The following GRIA3 variants were observed in gnomAD, a reference collection of about 807,000 sequenced individuals.
GRIA3 encodes glutamate receptor 3.
A neutral mutation model predicts 63.0 loss-of-function variants in GRIA3; 3 were observed. The observed-to-expected ratio is 0.05, with a 90% CI of 0.02 to 0.12. The LOEUF is 0.12. Ranked by LOEUF, GRIA3 falls within the 10% of genes least tolerant of loss-of-function variation. GRIA3 has a pLI of 1.00. For missense variants in GRIA3, 347 were observed against 700.9 expected, an observed-to-expected ratio of 0.50 and a Z score of 5.70; for synonymous variants, 274 against 257.9, an observed-to-expected ratio of 1.06 and a Z score of -0.60.
intron 12 of GRIA3, among the ~76,000 whole-genome samples, chrX:123,463,542 G>A (rs1017499286): frequency 1.3e-5 from 1 of 78,855 alleles, no homozygotes; most frequent in African/African-American, 5.2e-5. Flanking sequence ...AGAGTGAGAC[G>A]AAAGAAGCGA....
intron 2 of GRIA3, among the ~76,000 whole-genome samples, chrX:123,220,026 A>G (rs1928253189): frequency 8.9e-6 from 1 of 112,460 alleles, no homozygotes; most frequent in Non-Finnish European, 1.9e-5. Context: ...GGATGTGAAC[A>G]GCAGACACAG....
intron 3 of GRIA3, among the ~76,000 whole-genome samples, chrX:123,312,060 T>C (rs1261009201): frequency 2.7e-5 from 3 of 112,169 alleles, no homozygotes; most frequent in African/African-American, 6.5e-5. Flanking sequence ...ATAATGTGTA[T>C]ACATTGTTAG....
At chrX:123,221,131 C>T (rs140656326) in intron 2 of GRIA3, among the ~76,000 whole-genome samples, 1,818 of 112,479 alleles carry the variant, frequency 0.016, 35 homozygotes, top group African/African-American at 0.055. Context: ...AAAATGGAAT[C>T]CAAACTACAA....
intron 13 of GRIA3, 31 bp from the exon 14 acceptor site, chrX:123,480,032 T>C (rs1366706612): frequency 1.1e-6 from 1 of 871,278 alleles, no homozygotes; most frequent in African/African-American, 2.0e-5. Context: ...TAACATAATA[T>C]AATGTTATTT....
chrX:123,244,443 C>A (rs1054605499), intron 2 of GRIA3, among the ~76,000 whole-genome samples: 1 of 112,434 alleles, frequency 8.9e-6, no homozygotes, highest in South Asian at 3.7e-4. Flanking sequence ...CATTAAAGGG[C>A]AGGATCAGGA....
At chrX:123,286,386 A>G (rs1442256774) in intron 3 of GRIA3, among the ~76,000 whole-genome samples, 1 of 111,893 alleles carries the variant, frequency 8.9e-6, no homozygotes, top group East Asian at 2.8e-4. Context: ...AACAAATTCA[A>G]AACCTAGCAG....
chrX:123,375,057 CA>C (rs2045275364), intron 5 of GRIA3, among the ~76,000 whole-genome samples: 1 of 111,465 alleles, frequency 9.0e-6, no homozygotes, highest in African/African-American at 3.3e-5. Flanking sequence ...CCATTCTGTA[CA>C]ATACTAGCTG....
In GRIA3 at chrX:123,386,589, G is replaced by A. The variant is rs144128390; in HGVS notation, c.751-8379G>A. Among the ~76,000 whole-genome samples, 273 of 111,308 alleles carry A rather than the reference G, an allele frequency of 2.5e-3. 1 individual carries two copies. The highest frequency in any genetic ancestry group is 8.1e-3 in the African/African-American group (249 of 30,712). ...TTTCTTCTAGTAGGTTTATAGTTTC[G>A]AGTCTTATGTTTAGGTCTTCAATCC... is the stretch of plus-strand genomic sequence containing the variant. On this transcript the variant is annotated intron_variant, in intron 5 of 15. Coordinates refer to ENST00000620443, the MANE Select transcript of GRIA3 (RefSeq NM_007325.5).
rs912328750 is a variant in GRIA3, at chrX:123,290,070, A to G, written c.509-35956A>G. Among the ~76,000 whole-genome samples, 3 of 111,095 alleles carry G rather than the reference A, an allele frequency of 2.7e-5. No individual in the cohort carries two copies. In the Admixed American group the frequency reaches 2.9e-4, roughly 11 times the overall value. On this transcript the variant is annotated intron_variant, in intron 3 of 15. Transcript: ENST00000620443. ...TGATGCATTAAGATATAGGAGAAAA[A>G]GAGACATTGAGAGAGGAAAAAAATG...
chrX:123,456,912 A>T (rs1396233184), intron 12 of GRIA3, among the ~76,000 whole-genome samples: 1 of 111,767 alleles, frequency 8.9e-6, no homozygotes, highest in South Asian at 3.9e-4. Context: ...TTTACCACCT[A>T]GACACCTGAG....
intron 5 of GRIA3, among the ~76,000 whole-genome samples, chrX:123,361,975 A>G (rs1244740044): frequency 8.9e-6 from 1 of 112,069 alleles, no homozygotes; most frequent in Non-Finnish European, 1.9e-5. Context: ...ATTACATTCA[A>G]TAGCCATTAT....
intron 3 of GRIA3, among the ~76,000 whole-genome samples, chrX:123,283,168 G>T (rs1417397625): frequency 1.8e-5 from 2 of 111,527 alleles, no homozygotes; most frequent in Admixed American, 9.5e-5. Context: ...CCTTAGCCAA[G>T]GGAAGCCGTG....
intron 10 of GRIA3, among the ~76,000 whole-genome samples, chrX:123,405,858 T>G (rs2045470923): frequency 8.9e-6 from 1 of 112,484 alleles, no homozygotes; most frequent in Admixed American, 9.4e-5. Context: ...CAAGTTCCAC[T>G]GTTCTACTAG....
At position 123,406,163 on chromosome X, in the gene GRIA3, C is replaced by G. The variant is rs184424002; in HGVS notation, c.1500+1249C>G. On this transcript the variant is annotated intron_variant, in intron 10 of 15. Transcript: ENST00000620443. Reference sequence around the variant, plus strand: ...GCTTAATGAGGCACATGTAAATAAGCAGAACTGGACAGAAAAACTGCCCAT... The same window carrying G: ...GCTTAATGAGGCACATGTAAATAAGGAGAACTGGACAGAAAAACTGCCCAT... Among the ~76,000 whole-genome samples, 76 of 112,591 alleles carry G rather than the reference C, an allele frequency of 6.8e-4. 1 individual carries two copies. The highest frequency in any genetic ancestry group is 4.5e-4 in the Non-Finnish European group (24 of 53,316).
chrX:123,461,161 T>C (rs1200979246), intron 12 of GRIA3, among the ~76,000 whole-genome samples: 2 of 112,317 alleles, frequency 1.8e-5, no homozygotes, highest in Non-Finnish European at 3.8e-5. Flanking sequence ...GTCACCATGG[T>C]CAAGCCTAAG....
chrX:123,357,905 T>G lies in GRIA3; in HGVS notation c.750+2942T>G, dbSNP rs762392500. Among the ~76,000 whole-genome samples, 9 of 111,578 alleles carry G rather than the reference T, an allele frequency of 8.1e-5. No individual in the cohort carries two copies. In the South Asian group the frequency reaches 3.4e-3, roughly 43 times the overall value. On this transcript the variant is annotated intron_variant, in intron 5 of 15. Coordinates refer to ENST00000620443, the MANE Select transcript of GRIA3 (RefSeq NM_007325.5). The stretch of plus-strand genomic sequence containing the variant: ...CTCTTTTCATTTGAATTCAGCCGTG[T>G]AAGTCCCTGTACTCTATATCAAATT...
At chrX:123,444,399 C>T (rs2045691950) in intron 12 of GRIA3, among the ~76,000 whole-genome samples, 1 of 112,248 alleles carries the variant, frequency 8.9e-6, no homozygotes, top group African/African-American at 3.2e-5. Flanking sequence ...GAAATTCCTG[C>T]CCTGTAGCCA....
At position 123,338,573 on chromosome X, in the gene GRIA3, C is replaced by T. The variant is rs936000577; in HGVS notation, c.696+12360C>T. 2.7e-5 allele frequency among the ~76,000 whole-genome samples: 3 copies of T among 112,134 alleles called. No homozygotes were observed. The Admixed American group carries it at 2.8e-4, about 11-fold the overall frequency. On this transcript the variant is annotated intron_variant, in intron 4 of 15. Transcript: ENST00000620443. ...TTATTTATTTATTTATTTATTGAGA[C>T]AGAGTCTTGCTCTGTAGCTCAGGCT...
intron 4 of GRIA3, among the ~76,000 whole-genome samples, chrX:123,334,624 T>TG (rs1440076365): frequency 9.0e-6 from 1 of 111,568 alleles, no homozygotes; most frequent in African/African-American, 3.3e-5. Context: ...TTGTCAGGTT[T>TG]GGGGGGTTTT....
Sources: allele counts gnomAD v4.1 joint callset (sites outside exome capture counted in the v4.1 genomes callset), GRCh38; gene constraint gnomAD v4.1.1; transcripts MANE v1.5; gene names NCBI Gene and HGNC (gene_info 2026-07-23, HGNC 2026-07-21).